Variants in ATAD1 observed in about 807,000 individuals in gnomAD.
ATAD1 encodes outer mitochondrial transmembrane helix translocase.
A neutral mutation model predicts 42.7 loss-of-function variants in ATAD1; 18 were observed. The observed-to-expected ratio is 0.42, with a 90% CI of 0.29 to 0.63. ATAD1 has a LOEUF of 0.63. Ranked by LOEUF, ATAD1 falls within the 20% of genes least tolerant of loss-of-function variation. ATAD1 has a pLI of 0.19. For synonymous variants in ATAD1, 132 were observed against 143.1 expected, an observed-to-expected ratio of 0.92 and a Z score of 0.55; for missense variants, 294 against 440.4, an observed-to-expected ratio of 0.67 and a Z score of 2.98.
chr10:87,771,865 A>T (rs1855047886), intron 6 of ATAD1, among the ~76,000 whole-genome samples: 1 of 152,236 alleles, frequency 6.6e-6, no homozygotes, highest in African/African-American at 2.4e-5. Context: ...ACTTCAGTAT[A>T]ACCCAGTAAC....
At chr10:87,824,889 T>C (rs931768134) in intron 1 of ATAD1, among the ~76,000 whole-genome samples, 3 of 152,202 alleles carry the variant, frequency 2.0e-5, no homozygotes, top group Admixed American at 1.3e-4. Flanking sequence ...TTTATGATAG[T>C]TATATAAAAC....
At position 87,756,794 on chromosome 10, in the gene ATAD1, T is replaced by C. The variant is rs1854241159; in HGVS notation, c.960A>G (p.Glu320=). 3.1e-6 allele frequency: 5 copies of C among 1,598,160 alleles called. No individual in the cohort carries two copies. Among genetic ancestry groups the C allele is most frequent in the Non-Finnish European group, 4.3e-6 (5 of 1,174,260 alleles). Residue 320 remains glutamate, a synonymous_variant, in exon 9 of 10, where the codon GAA becomes GAG. Coordinates refer to ENST00000680024, the MANE Select transcript of ATAD1 (RefSeq NM_001321967.2). ...ATCAAGTCAAAATAACATACCTTTC[T>C]TCTGATGTAGAATTAACATATTCTC... The part of the protein sequence containing the change: ...CVREYVNSTS[E]ESHDEDEIRP...
chr10:87,819,219 G>A (rs950068028), upstream of ATAD1: 24 of 123,566 alleles, frequency 1.9e-4, no homozygotes, highest in African/African-American at 7.6e-4. Context: ...TTGAGGTCAG[G>A]AATTCGAGAC....
intron 1 of ATAD1, among the ~76,000 whole-genome samples, chr10:87,829,264 T>TATTG (rs1857786724): frequency 6.6e-6 from 1 of 151,250 alleles, no homozygotes; most frequent in South Asian, 2.1e-4. Flanking sequence ...TTTATTTATT[T>TATTG]ATTTATTATG....
intron 4 of ATAD1, among the ~76,000 whole-genome samples, chr10:87,786,078 G>A (rs568233884): frequency 2.6e-5 from 4 of 152,158 alleles, no homozygotes; most frequent in African/African-American, 9.6e-5. Flanking sequence ...CTTTTGGATG[G>A]CTCATATGAA....
intron 4 of ATAD1, among the ~76,000 whole-genome samples, chr10:87,785,335 T>C (rs1855774925): frequency 6.6e-6 from 1 of 151,276 alleles, no homozygotes; most frequent in African/African-American, 2.4e-5. Flanking sequence ...GTTTCTCAAC[T>C]AAAATGAGAT....
chr10:87,817,911 G>A, intron 1 of ATAD1: 3 of 985,678 alleles, frequency 3.0e-6, no homozygotes, highest in Non-Finnish European at 3.6e-6. Flanking sequence ...AATGGCACGA[G>A]TCTTGGGGAA....
chr10:87,771,189 T>C, intron 6 of ATAD1, 148 bp from the exon 7 acceptor site: 1 of 546,772 alleles, frequency 1.8e-6, no homozygotes, highest in East Asian at 3.1e-5. Flanking sequence ...ATTATTCAAC[T>C]ATTTACAGGT....
At chr10:87,755,526 A>G (rs902703645) in intron 9 of ATAD1, among the ~76,000 whole-genome samples, 6 of 152,072 alleles carry the variant, frequency 3.9e-5, no homozygotes, top group African/African-American at 1.5e-4. Context: ...TTGAGGCAGC[A>G]AAAAAATAGA....
chr10:87,754,923 C>A (rs1854154978), intron 9 of ATAD1, 116 bp from the exon 10 acceptor site: 4 of 1,280,228 alleles, frequency 3.1e-6, no homozygotes, highest in South Asian at 3.2e-5. Context: ...TTGTTTTCAA[C>A]TGTAGAAAAG....
intron 5 of ATAD1, among the ~76,000 whole-genome samples, chr10:87,779,664 T>C (rs1178223428): frequency 6.6e-6 from 1 of 152,122 alleles, no homozygotes; most frequent in Non-Finnish European, 1.5e-5. Flanking sequence ...GGGAAAAACA[T>C]TTGAACAGAC....
upstream of ATAD1, among the ~76,000 whole-genome samples, chr10:87,820,186 C>T (rs12248111): frequency 0.038 from 5,801 of 152,190 alleles, 325 homozygotes; most frequent in African/African-American, 0.12. Flanking sequence ...TGATCCCAAG[C>T]TGAATCATTG....
At chr10:87,778,414 G>T (rs1219721981) in intron 5 of ATAD1, among the ~76,000 whole-genome samples, 4 of 152,048 alleles carry the variant, frequency 2.6e-5, no homozygotes, top group Non-Finnish European at 5.9e-5. Context: ...AGGACCAGAA[G>T]TGTTTCAAAT....
intron 6 of ATAD1, 99 bp downstream of exon 6, chr10:87,776,221 GA>G (rs998119135): frequency 4.9e-5 from 40 of 810,040 alleles, no homozygotes; most frequent in South Asian, 2.0e-4. Context: ...AAATAATTAT[GA>G]AAAAAAAGTT....
At position 87,830,913 on chromosome 10, in the gene ATAD1, A is replaced by G. The variant is rs536514450; in HGVS notation, c.-14+10274T>C. 1.2e-4 allele frequency among the ~76,000 whole-genome samples: 19 copies of G among 152,334 alleles called. No individual in the cohort carries two copies. The East Asian group carries it at 2.3e-3, about 19-fold the overall frequency. ...ATTTAGAAAGATATAATTTCAATAA[A>G]TCACAGACTCTCAGGATTAAAAGGA... On this transcript the variant is annotated intron_variant, in intron 1 of 4. Transcript: ENST00000495903.
intron 2 of ATAD1, among the ~76,000 whole-genome samples, chr10:87,805,189 C>G (rs1313927073): frequency 6.6e-6 from 1 of 152,138 alleles, no homozygotes; most frequent in African/African-American, 2.4e-5. Flanking sequence ...AAAGTCACAC[C>G]TTCCTCCTCC....
At chr10:87,836,169 A>G (rs1052596277) in intron 1 of ATAD1, among the ~76,000 whole-genome samples, 4 of 152,030 alleles carry the variant, frequency 2.6e-5, no homozygotes, top group Non-Finnish European at 5.9e-5. Flanking sequence ...TCTGTCACCA[A>G]GGCTGGAGAG....
At chr10:87,796,991 G>A (rs1045871686) in intron 2 of ATAD1, among the ~76,000 whole-genome samples, 14 of 152,148 alleles carry the variant, frequency 9.2e-5, no homozygotes, top group Non-Finnish European at 1.6e-4. Context: ...TACAGAGTTT[G>A]AGCTCACTCC....
At chr10:87,827,706 T>G (rs1857755104) in intron 1 of ATAD1, among the ~76,000 whole-genome samples, 1 of 152,106 alleles carries the variant, frequency 6.6e-6, no homozygotes, top group African/African-American at 2.4e-5. Flanking sequence ...TCCCTATCCC[T>G]CTCCTCAGGG....
Sources: allele counts gnomAD v4.1 joint callset (sites outside exome capture counted in the v4.1 genomes callset), GRCh38; gene constraint gnomAD v4.1.1; transcripts MANE v1.5; gene names NCBI Gene and HGNC (gene_info 2026-07-23, HGNC 2026-07-21).